NPR3: variants seen among roughly 807,000 people sequenced by gnomAD.
The protein encoded by NPR3 is natriuretic peptide receptor 3.
In NPR3, 34 loss-of-function variants were observed where a neutral mutation model predicts 54.5. The observed-to-expected ratio is 0.62, with a 90% confidence interval of 0.47 to 0.83. The LOEUF (loss-of-function observed/expected upper bound fraction) is 0.83, where lower values mean the gene tolerates loss of function less well. Among genes scored for constraint, NPR3 ranks in the 40% least tolerant of loss-of-function variants. The pLI is 0.00. For missense variants in NPR3, 674 were observed against 720.8 expected (o/e 0.94, Z 0.74); for synonymous variants, 289 against 297.1 (o/e 0.97, Z 0.28).
rs536724591 is a variant in NPR3, at chr5:32,788,337, G to T, written c.*1992G>T. On this transcript the variant is annotated 3_prime_UTR_variant, in exon 8 of 8. Coordinates refer to ENST00000265074, the MANE Select transcript of NPR3 (RefSeq NM_001204375.2). ...GTTCTAGTGCAGGAAGAGAGTTTGA[G>T]AAGTAAAATCCAGGCAAGCAAAGCG... 6.6e-6 allele frequency: 1 copy of T among 152,362 alleles called. No individual in the cohort carries two copies. The highest frequency in any genetic ancestry group is 1.5e-5 in the Non-Finnish European group (1 of 68,038). The allele number at this position is 152,362 out of a possible 1,614,324, so 9.4% of individuals were successfully genotyped here.
intron 2 of NPR3, among the ~76,000 whole-genome samples, chr5:32,729,018 T>G (rs1464481593): frequency 9.5e-6 from 1 of 105,310 alleles, no homozygotes; most frequent in African/African-American, 4.4e-5. Context: ...CTGTGTGTTT[T>G]TTTTTTTTTT....
intron 3 of NPR3, among the ~76,000 whole-genome samples, chr5:32,769,595 CCTT>C (rs2112035282): frequency 6.6e-6 from 1 of 152,336 alleles, no homozygotes; most frequent in South Asian, 2.1e-4. Flanking sequence ...TAGTTTCCCT[CCTT>C]TGCACTGGGA....
chr5:32,738,784 G>T, intron 2 of NPR3, 80 bp from the exon 3 acceptor site: 1 of 1,243,842 alleles, frequency 8.0e-7, no homozygotes, highest in African/African-American at 1.5e-5. Flanking sequence ...ACATGCGGGG[G>T]CGCCTCACAG....
intron 1 of NPR3, among the ~76,000 whole-genome samples, chr5:32,720,872 G>C (rs1738820526): frequency 2.0e-5 from 3 of 152,084 alleles, no homozygotes; most frequent in Admixed American, 2.0e-4. Flanking sequence ...TACTTTCTAA[G>C]AGTTGTCCAC....
chr5:32,705,621 T>C (rs540813165), upstream of NPR3, among the ~76,000 whole-genome samples: 101 of 152,140 alleles, frequency 6.6e-4, 1 homozygote, highest in Admixed American at 2.1e-3. Context: ...TCTATCACCA[T>C]GACAGCACCA....
rs1397700713 is a variant in NPR3, at chr5:32,774,204, C to A, written c.1060-504C>A. On this transcript the variant is annotated intron_variant, in intron 3 of 7. Transcript: ENST00000265074. ...ACAGGCAGAAGTTGCAACATCTACT[C>A]TTCTTTGTACCCATAGCACCAGCAC... 3.3e-5 allele frequency among the ~76,000 whole-genome samples: 5 copies of A among 152,218 alleles called. No individual in the cohort carries two copies. In the East Asian group the frequency reaches 7.7e-4, roughly 23 times the overall value.
intron 3 of NPR3, among the ~76,000 whole-genome samples, chr5:32,770,593 A>G (rs1190790626): frequency 1.3e-5 from 2 of 152,198 alleles, no homozygotes; most frequent in African/African-American, 2.4e-5. Flanking sequence ...AACAGCACCA[A>G]TAATGATTAC....
chr5:32,754,698 G>A (rs1357703473), intron 3 of NPR3, among the ~76,000 whole-genome samples: 5 of 151,980 alleles, frequency 3.3e-5, no homozygotes, highest in Admixed American at 6.6e-5. Flanking sequence ...GTGGGGAGGG[G>A]GGTGCAGAGA....
intron 1 of NPR3, among the ~76,000 whole-genome samples, chr5:32,723,724 G>A (rs1738987720): frequency 6.6e-6 from 1 of 151,950 alleles, no homozygotes; most frequent in South Asian, 2.1e-4. Context: ...TGCACTTTTG[G>A]AAAAGACGTA....
intron 3 of NPR3, among the ~76,000 whole-genome samples, chr5:32,741,777 T>G (rs991530747): frequency 5.3e-5 from 8 of 151,974 alleles, no homozygotes; most frequent in East Asian, 1.9e-4. Context: ...TTTTCTTTTT[T>G]TTTTTGAGAT....
At chr5:32,697,974 TTC>T (rs1292873652) in intron 1 of NPR3, among the ~76,000 whole-genome samples, 1 of 152,036 alleles carries the variant, frequency 6.6e-6, no homozygotes, top group Non-Finnish European at 1.5e-5. Flanking sequence ...TTTTCTTTGT[TTC>T]TGTTTCATTT....
At chr5:32,721,406 A>C (rs927125367) in intron 1 of NPR3, among the ~76,000 whole-genome samples, 1 of 152,242 alleles carries the variant, frequency 6.6e-6, no homozygotes, top group East Asian at 1.9e-4. Flanking sequence ...TCATGCCTGT[A>C]ATCTCAGCAC....
In NPR3 at chr5:32,775,865, C is replaced by A. The variant is rs532818958; in HGVS notation, c.1195+1022C>A. On this transcript the variant is annotated intron_variant, in intron 4 of 7. Transcript: ENST00000265074. ...CACCCACCTTGGCCTCCCAAGCTTT[C>A]TTAATAACAGGGAACTATAGGAAAA... is the stretch of plus-strand genomic sequence containing the variant. Among the ~76,000 whole-genome samples, 6 of 152,250 alleles carry A rather than the reference C, an allele frequency of 3.9e-5. No individual in the cohort carries two copies. The East Asian group carries it at 1.2e-3, about 29-fold the overall frequency.
chr5:32,771,364 A>G (rs1483008645), intron 3 of NPR3, among the ~76,000 whole-genome samples: 1 of 152,236 alleles, frequency 6.6e-6, no homozygotes, highest in Non-Finnish European at 1.5e-5. Flanking sequence ...ATCCATTTGC[A>G]AATCAAGCTA....
At chr5:32,768,041 T>A (rs1741567601) in intron 3 of NPR3, among the ~76,000 whole-genome samples, 2 of 152,038 alleles carry the variant, frequency 1.3e-5, no homozygotes, top group Admixed American at 1.3e-4. Context: ...GCAGGGTGAG[T>A]GGGATGCCTG....
chr5:32,775,590 G>A (rs1032550987), intron 4 of NPR3, among the ~76,000 whole-genome samples: 6 of 151,758 alleles, frequency 4.0e-5, no homozygotes, highest in Non-Finnish European at 8.8e-5. Flanking sequence ...AATAGTGACT[G>A]TTAGTTTTTG....
At chr5:32,772,781 AT>A (rs111875370) in intron 3 of NPR3, among the ~76,000 whole-genome samples, 2 of 152,076 alleles carry the variant, frequency 1.3e-5, no homozygotes, top group African/African-American at 4.8e-5. Context: ...ACATTTATTA[AT>A]TTTTTAAACC....
At chr5:32,700,544 C>T (rs1740640570) in intron 1 of NPR3, among the ~76,000 whole-genome samples, 1 of 151,954 alleles carries the variant, frequency 6.6e-6, no homozygotes, top group African/African-American at 2.4e-5. Flanking sequence ...TATCCCTTCC[C>T]CAGCCCCCCA....
chr5:32,691,309 A>G (rs1040616113), intron 1 of NPR3, among the ~76,000 whole-genome samples: 1 of 152,230 alleles, frequency 6.6e-6, no homozygotes, highest in Admixed American at 6.5e-5. Context: ...GTTTTTGGAC[A>G]CTATGCATCA....
Sources: gnomAD v4.1 joint callset for allele counts (sites outside exome capture counted in the v4.1 genomes callset) on GRCh38, gnomAD v4.1.1 for gene constraint, MANE v1.5 for transcripts, NCBI Gene and HGNC (gene_info 2026-07-23, HGNC 2026-07-21) for gene names.